C16orf74: variants seen among roughly 807,000 people sequenced by gnomAD.
C16orf74 encodes calcimembrin, also known as uncharacterized protein C16orf74.
A neutral mutation model predicts 6.5 loss-of-function variants in C16orf74; 10 were observed. That is an observed-to-expected ratio of 1.54 (90% CI 0.95 to 2.61). The LOEUF (loss-of-function observed/expected upper bound fraction) is 2.61, where lower values mean the gene tolerates loss of function less well. Among genes scored for constraint, C16orf74 ranks in the 30% most tolerant of loss-of-function variants. C16orf74 has a pLI of 0.00. For synonymous variants in C16orf74, 60 were observed against 42.5 expected (o/e 1.41, Z -1.60); for missense variants, 141 against 105.9 (o/e 1.33, Z -1.45).
rs529964114 is a variant in C16orf74, at chr16:85,750,218, C to G, written c.-19+708G>C. 3.9e-5 allele frequency among the ~76,000 whole-genome samples: 6 copies of G among 152,316 alleles called. No individual in the cohort carries two copies. In the East Asian group the frequency reaches 1.2e-3, roughly 29 times the overall value. On this transcript the variant is annotated intron_variant, in intron 1 of 3. Transcript: ENST00000284245. Reference sequence around the variant, plus strand: ...TCTTCCTCCGGGCTCCAAAGCCTGTCGAGCCTGCACAGATTTTCCCTTGAT... The same window carrying G: ...TCTTCCTCCGGGCTCCAAAGCCTGTGGAGCCTGCACAGATTTTCCCTTGAT...
intron 2 of C16orf74, among the ~76,000 whole-genome samples, chr16:85,731,180 C>T (rs1266746261): frequency 1.3e-5 from 2 of 152,212 alleles, no homozygotes; most frequent in Non-Finnish European, 2.9e-5. Context: ...TCAGTTTACC[C>T]CAGAGGAAGC....
chr16:85,740,424 C>T lies in C16orf74; in HGVS notation c.-18-5189G>A, dbSNP rs140435085. 9.0e-3 allele frequency among the ~76,000 whole-genome samples: 1,355 copies of T among 151,088 alleles called. 33 individuals are homozygous for T. Among genetic ancestry groups the T allele is most frequent in the African/African-American group, 0.031 (1,276 of 41,164 alleles). On this transcript the variant is annotated intron_variant, in intron 1 of 3. Coordinates refer to ENST00000284245, the MANE Select transcript of C16orf74 (RefSeq NM_206967.3). ...ATACAAAAAATTATCCAGGTGTGGC[C>T]GGGCGCGGTGGCTCACGCCTGTAAT...
chr16:85,740,597 C>T (rs557778840), intron 1 of C16orf74, among the ~76,000 whole-genome samples: 1 of 150,902 alleles, frequency 6.6e-6, no homozygotes, highest in Non-Finnish European at 1.5e-5. Flanking sequence ...GACGCTGAGG[C>T]AGAAGAATGG....
chr16:85,728,143 C>G (rs2152062226), intron 2 of C16orf74, among the ~76,000 whole-genome samples: 1 of 151,818 alleles, frequency 6.6e-6, no homozygotes, highest in Middle Eastern at 3.4e-3. Flanking sequence ...GATCCTGTCT[C>G]AAAAATATAA....
At chr16:85,750,796 A>AAG (rs2054429105) in intron 1 of C16orf74, 130 bp downstream of exon 1, 1 of 151,458 alleles carries the variant, frequency 6.6e-6, no homozygotes, top group Non-Finnish European at 1.5e-5. Flanking sequence ...TCTCCCACCG[A>AAG]CCCCCGGGCC....
chr16:85,738,717 G>C (rs1358312864), intron 1 of C16orf74, among the ~76,000 whole-genome samples: 1 of 152,048 alleles, frequency 6.6e-6, no homozygotes, highest in East Asian at 1.9e-4. Flanking sequence ...AGGGGTAGCG[G>C]AGGAGTGGGG....
At chr16:85,728,972 G>C (rs190200694) in intron 2 of C16orf74, among the ~76,000 whole-genome samples, 1 of 152,236 alleles carries the variant, frequency 6.6e-6, no homozygotes, top group African/African-American at 2.4e-5. Flanking sequence ...AGTGGGTCCT[G>C]AGAATCTGAT....
intron 2 of C16orf74, among the ~76,000 whole-genome samples, chr16:85,716,043 T>C (rs1223480790): frequency 6.6e-6 from 1 of 151,224 alleles, no homozygotes; most frequent in African/African-American, 2.5e-5. Flanking sequence ...GAATCGCTGA[T>C]GATCGTGTCT....
At chr16:85,750,646 G>A (rs1003350976) in intron 1 of C16orf74, among the ~76,000 whole-genome samples, 7 of 152,204 alleles carry the variant, frequency 4.6e-5, no homozygotes, top group Admixed American at 1.3e-4. Flanking sequence ...GTGAGTGGGG[G>A]GCCAGAGGCT....
Position 85,710,170 on chromosome 16 carries a change from TC to T in C16orf74, c.165del (p.Ser56AlafsTer52). The T allele has an allele frequency of 6.9e-7, 1 of 1,448,472 alleles. No homozygotes were observed. The allele number at this position is 1,448,472 out of a possible 1,614,324, so 89.7% of individuals were successfully genotyped here. ...PTGMMLPRDLGSTVWLDETGS... is the reference protein window; with the variant it reads ...PTGMMLPRDLXSTVWLDETGS... The stretch of plus-strand genomic sequence containing the variant: ...GTGGAGGGGACGGCCTCACCTGTGC[TC>T]CCCAAGTCCCTCGGCAGCATCATGC... On this transcript the variant is annotated frameshift_variant, in exon 3 of 4. Coordinates refer to ENST00000284245, the MANE Select transcript of C16orf74 (RefSeq NM_206967.3). LOFTEE classifies it high-confidence loss of function.
At chr16:85,709,795 C>A (rs950284000) in intron 3 of C16orf74, among the ~76,000 whole-genome samples, 1 of 152,244 alleles carries the variant, frequency 6.6e-6, no homozygotes, top group Non-Finnish European at 1.5e-5. Flanking sequence ...CTGTCCTGTC[C>A]GGCCAAACTG....
chr16:85,737,515 T>C (rs955962765), intron 1 of C16orf74, among the ~76,000 whole-genome samples: 3 of 152,174 alleles, frequency 2.0e-5, no homozygotes, highest in African/African-American at 7.2e-5. Context: ...TTGGGCAACA[T>C]AAGAAGACCC....
intron 3 of C16orf74, among the ~76,000 whole-genome samples, chr16:85,709,062 C>G (rs1445628165): frequency 6.6e-6 from 1 of 152,214 alleles, no homozygotes; most frequent in Admixed American, 6.5e-5. Context: ...CTTAGTTTAC[C>G]CCTGTCTAAA....
At chr16:85,724,619 C>T (rs74425562) in intron 2 of C16orf74, among the ~76,000 whole-genome samples, 1 of 151,646 alleles carries the variant, frequency 6.6e-6, no homozygotes, top group South Asian at 2.1e-4. Flanking sequence ...CGCTGAGCTC[C>T]CTGTGGGATG....
chr16:85,734,501 G>T (rs969355929), intron 2 of C16orf74, among the ~76,000 whole-genome samples: 1 of 151,890 alleles, frequency 6.6e-6, no homozygotes, highest in African/African-American at 2.4e-5. Context: ...CACACCACTG[G>T]CCATGGGACA....
intron 2 of C16orf74, among the ~76,000 whole-genome samples, chr16:85,732,336 A>G (rs2054197576): frequency 6.6e-6 from 1 of 152,166 alleles, no homozygotes; most frequent in Non-Finnish European, 1.5e-5. Context: ...ACCCCATGTT[A>G]CAGAGTTCCT....
intron 1 of C16orf74, among the ~76,000 whole-genome samples, chr16:85,747,570 C>G (rs1005961983): frequency 6.6e-6 from 1 of 152,128 alleles, no homozygotes; most frequent in Admixed American, 6.5e-5. Flanking sequence ...AGGTCTCTTT[C>G]TTGACCTGGT....
intron 2 of C16orf74, among the ~76,000 whole-genome samples, chr16:85,730,797 CAACT>C (rs1479826345): frequency 6.6e-6 from 1 of 150,382 alleles, no homozygotes; most frequent in African/African-American, 2.5e-5. Flanking sequence ...ATAGATCAGC[CAACT>C]AACCAACTCC....
intron 1 of C16orf74, among the ~76,000 whole-genome samples, chr16:85,742,808 T>C (rs2054324876): frequency 6.6e-6 from 1 of 152,230 alleles, no homozygotes; most frequent in African/African-American, 2.4e-5. Context: ...CCCAAAGTGC[T>C]GGGATTACAG....
Sources: gnomAD v4.1 joint callset for allele counts (sites outside exome capture counted in the v4.1 genomes callset) on GRCh38, gnomAD v4.1.1 for gene constraint, MANE v1.5 for transcripts, NCBI Gene and HGNC (gene_info 2026-07-23, HGNC 2026-07-21) for gene names.